The following ARID4B variants were observed in gnomAD, a reference collection of about 807,000 sequenced individuals.
The protein encoded by ARID4B is AT-rich interaction domain 4B.
In ARID4B, 26 loss-of-function variants were observed where a neutral mutation model predicts 147.5. The observed-to-expected ratio is 0.18, with a 90% CI of 0.13 to 0.24. The LOEUF (loss-of-function observed/expected upper bound fraction) is 0.24, where lower values mean the gene tolerates loss of function less well. Ranked by LOEUF, ARID4B falls within the 10% of genes least tolerant of loss-of-function variation. The probability of loss-of-function intolerance (pLI) is 1.00; values close to 1 mark genes in which losing one functional copy is unlikely to be tolerated. For missense variants in ARID4B, 1,179 were observed against 1,511.5 expected, an observed-to-expected ratio of 0.78 and a Z score of 3.65; for synonymous variants, 512 against 507.9, an observed-to-expected ratio of 1.01 and a Z score of -0.11.
chr1:235,277,909 C>T (rs1671442189), intron 2 of ARID4B, among the ~76,000 whole-genome samples: 1 of 152,098 alleles, frequency 6.6e-6, no homozygotes, highest in South Asian at 2.1e-4. Context: ...CCTACTCTTA[C>T]TGGTAGGTCA....
intron 11 of ARID4B, chr1:235,228,969 C>G (rs78212689): frequency 4.4e-4 from 157 of 356,308 alleles, no homozygotes; most frequent in African/African-American, 3.1e-3. Flanking sequence ...TTAATCATCT[C>G]ATTAAAAAAA....
intron 17 of ARID4B, among the ~76,000 whole-genome samples, chr1:235,209,556 G>GTTTTTTT (rs547505296): frequency 1.4e-5 from 2 of 147,130 alleles, no homozygotes; most frequent in African/African-American, 2.6e-5. Context: ...TGATTTTTTT[G>GTTTTTTT]TTTTTTGTTT....
chr1:235,240,473 A>G, intron 7 of ARID4B, 22 bp from the exon 8 acceptor site: 2 of 1,604,498 alleles, frequency 1.2e-6, no homozygotes, highest in Non-Finnish European at 1.7e-6. Context: ...AAAAAATAAA[A>G]TATTTCCATT....
intron 2 of ARID4B, among the ~76,000 whole-genome samples, chr1:235,267,149 G>A (rs1213294589): frequency 6.6e-6 from 1 of 152,140 alleles, no homozygotes; most frequent in African/African-American, 2.4e-5. Context: ...ATAGTGGCAT[G>A]CACGTATGGT....
chr1:235,313,185 A>G (rs762936080), intron 2 of ARID4B, among the ~76,000 whole-genome samples: 35 of 152,162 alleles, frequency 2.3e-4, no homozygotes, highest in Non-Finnish European at 4.3e-4. Flanking sequence ...GCATACCACC[A>G]TGCCTGGCTA....
In ARID4B at chr1:235,205,654, T is replaced by C. The variant is rs558024481; in HGVS notation, c.1841+8115A>G. Among the ~76,000 whole-genome samples the C allele has an allele frequency of 5.9e-5, 9 of 152,252 alleles. No individual in the cohort carries two copies. The East Asian group carries it at 1.5e-3, about 26-fold the overall frequency. On this transcript the variant is annotated intron_variant, in intron 17 of 23. Transcript: ENST00000264183. Reference sequence around the variant, plus strand: ...TGATAAGGGAATAACATCTAGAATATATGAAGAACTATAATTCAACAACAA... The same window carrying C: ...TGATAAGGGAATAACATCTAGAATACATGAAGAACTATAATTCAACAACAA...
At chr1:235,313,148 A>G (rs1466006772) in intron 2 of ARID4B, among the ~76,000 whole-genome samples, 1 of 151,894 alleles carries the variant, frequency 6.6e-6, no homozygotes, top group Non-Finnish European at 1.5e-5. Flanking sequence ...GGTTCAAGAG[A>G]TTCTCCTGCA....
intron 2 of ARID4B, among the ~76,000 whole-genome samples, chr1:235,306,993 C>T (rs562543914): frequency 6.6e-6 from 1 of 152,276 alleles, no homozygotes; most frequent in South Asian, 2.1e-4. Flanking sequence ...TGTAAATTAC[C>T]TGAACCTCCC....
At chr1:235,235,996 A>T (rs1668528652) in intron 8 of ARID4B, among the ~76,000 whole-genome samples, 1 of 149,784 alleles carries the variant, frequency 6.7e-6, no homozygotes, top group Non-Finnish European at 1.5e-5. Context: ...CGTGATCACG[A>T]CTCAATGCAG....
At chr1:235,236,862 A>ATTTATTT (rs1668641133) in intron 8 of ARID4B, among the ~76,000 whole-genome samples, 1 of 17,492 alleles carries the variant, frequency 5.7e-5, no homozygotes, top group Admixed American at 1.2e-3. Context: ...ATATATATAT[A>ATTTATTT]TTTTTTTTTT....
intron 8 of ARID4B, among the ~76,000 whole-genome samples, chr1:235,236,339 T>C (rs1668551419): frequency 6.6e-6 from 1 of 152,108 alleles, no homozygotes; most frequent in East Asian, 1.9e-4. Context: ...ACTAAACAGA[T>C]TACTAACCTT....
Position 235,236,828 on chromosome 1 carries a change from T to TAAAAAA in ARID4B, c.586-2342_586-2337dup, listed in dbSNP as rs767176715. 4.9e-3 allele frequency among the ~76,000 whole-genome samples: 226 copies of TAAAAAA among 46,168 alleles called. 2 individuals carry two copies. Among genetic ancestry groups the TAAAAAA allele is most frequent in the East Asian group, 0.04 (24 of 598 alleles). The allele number at this position is 46,168 out of a possible 152,430, so 30.3% of individuals were successfully genotyped here. On this transcript the variant is annotated intron_variant, in intron 8 of 23. Coordinates refer to ENST00000264183, the MANE Select transcript of ARID4B (RefSeq NM_016374.6). ...GCGCCTGGCCCACAAAACGGTTTTA[T>TAAAAAA]AAAAAATATATATATATATATATAT...
intron 11 of ARID4B, among the ~76,000 whole-genome samples, chr1:235,225,695 G>GTC (rs1667781368): frequency 6.6e-6 from 1 of 152,176 alleles, no homozygotes; most frequent in South Asian, 2.1e-4. Flanking sequence ...ATACAGATTT[G>GTC]TAACAGTAAA....
At chr1:235,171,769 A>G (rs1393211457) in intron 23 of ARID4B, among the ~76,000 whole-genome samples, 1 of 152,002 alleles carries the variant, frequency 6.6e-6, no homozygotes, top group Admixed American at 6.6e-5. Context: ...CCTCCCAAGT[A>G]GCTGGGATTA....
intron 23 of ARID4B, among the ~76,000 whole-genome samples, chr1:235,169,958 G>A (rs966125474): frequency 6.6e-5 from 10 of 152,016 alleles, no homozygotes; most frequent in African/African-American, 1.5e-4. Flanking sequence ...AATTGCGCCC[G>A]GCCTCTCTGT....
chr1:235,298,605 C>A (rs1037757251), intron 2 of ARID4B, among the ~76,000 whole-genome samples: 1 of 148,526 alleles, frequency 6.7e-6, no homozygotes, highest in African/African-American at 2.5e-5. Flanking sequence ...TTATATATAT[C>A]CATATATATG....
chr1:235,187,576 T>C (rs1328487948), intron 19 of ARID4B, among the ~76,000 whole-genome samples: 1 of 152,164 alleles, frequency 6.6e-6, no homozygotes, highest in Non-Finnish European at 1.5e-5. Flanking sequence ...TCCAGAGACA[T>C]TCAATTTCTC....
At chr1:235,198,822 G>C (rs1460409531) in intron 17 of ARID4B, among the ~76,000 whole-genome samples, 1 of 152,176 alleles carries the variant, frequency 6.6e-6, no homozygotes, top group Non-Finnish European at 1.5e-5. Context: ...TCATGGGGCC[G>C]GGCGCAGTGG....
intron 16 of ARID4B, among the ~76,000 whole-genome samples, chr1:235,218,688 T>A (rs1284648234): frequency 6.6e-6 from 1 of 152,162 alleles, no homozygotes; most frequent in Non-Finnish European, 1.5e-5. Context: ...TACTGTTTCT[T>A]AATACTTGAA....
Sources: allele counts gnomAD v4.1 joint callset (sites outside exome capture counted in the v4.1 genomes callset), GRCh38; gene constraint gnomAD v4.1.1; transcripts MANE v1.5; gene names NCBI Gene and HGNC (gene_info 2026-07-23, HGNC 2026-07-21).